The following PTGES3 variants were observed in gnomAD, a reference collection of about 807,000 sequenced individuals.
The protein encoded by PTGES3 is prostaglandin E synthase 3.
In PTGES3, 5 loss-of-function variants were observed where a neutral mutation model predicts 29.9. That is an observed-to-expected ratio of 0.17 (90% CI 0.09 to 0.35). The LOEUF is 0.35. Ranked by LOEUF, PTGES3 falls within the 10% of genes least tolerant of loss-of-function variation. The pLI is 1.00. For synonymous variants in PTGES3, 49 were observed against 57.8 expected (o/e 0.85, Z 0.69); for missense variants, 128 against 190.0 (o/e 0.67, Z 1.92).
chr12:56,686,164 A>G (rs1165545532), intron 1 of PTGES3, among the ~76,000 whole-genome samples: 1 of 152,016 alleles, frequency 6.6e-6, no homozygotes. Flanking sequence ...GCCTCCATCA[A>G]ATGCTTCTAC....
At chr12:56,686,830 C>G (rs978121321) in intron 1 of PTGES3, 2 of 398,202 alleles carry the variant, frequency 5.0e-6, no homozygotes, top group African/African-American at 4.1e-5. Flanking sequence ...ATATACTCAG[C>G]CTCAGTATCA....
intron 4 of PTGES3, 28 bp downstream of exon 4, chr12:56,671,721 C>T (rs747261647): frequency 7.1e-7 from 1 of 1,401,350 alleles, no homozygotes; most frequent in South Asian, 1.4e-5. Flanking sequence ...AAATATCAAA[C>T]TTTTCAAAAA....
chr12:56,687,887 G>T lies in PTGES3; in HGVS notation c.2+111C>A, dbSNP rs965943583. ...TCCTGGACCTCCCGCCCCCAGGCAGGAACGACTGCCACCACCGATGCGAGA... is the reference window on the plus strand; with the variant it reads ...TCCTGGACCTCCCGCCCCCAGGCAGTAACGACTGCCACCACCGATGCGAGA... On this transcript the variant is annotated intron_variant, in intron 1 of 7. Transcript: ENST00000262033. 25 of 1,584,550 alleles carry T rather than the reference G, an allele frequency of 1.6e-5. No homozygotes were observed. In the African/African-American group the frequency reaches 2.8e-4, roughly 18 times the overall value.
chr12:56,681,672 A>G (rs1952549785), intron 1 of PTGES3, among the ~76,000 whole-genome samples: 1 of 151,400 alleles, frequency 6.6e-6, no homozygotes, highest in Non-Finnish European at 1.5e-5. Context: ...ACATGGCGAA[A>G]CCCCATCTCT....
At position 56,669,769 on chromosome 12, in the gene PTGES3, C is replaced by T. The variant is rs557197499; in HGVS notation, c.375+506G>A. On this transcript the variant is annotated intron_variant, in intron 5 of 7. Transcript: ENST00000262033. ...GGACCACAGGTGCGCGCCACCATGC[C>T]CAGCTAATTTTTTTTGTATTTTAGT... Among the ~76,000 whole-genome samples, 62 of 152,072 alleles carry T rather than the reference C, an allele frequency of 4.1e-4. No homozygotes were observed. In the Middle Eastern group the frequency reaches 0.01, roughly 25 times the overall value.
chr12:56,680,578 A>C (rs1404110765), intron 1 of PTGES3, among the ~76,000 whole-genome samples: 1 of 151,326 alleles, frequency 6.6e-6, no homozygotes, highest in Non-Finnish European at 1.5e-5. Flanking sequence ...ATGGGGTTTC[A>C]CCACGCTGGT....
intron 5 of PTGES3, among the ~76,000 whole-genome samples, chr12:56,669,518 G>A (rs1951918736): frequency 6.6e-6 from 1 of 152,104 alleles, no homozygotes; most frequent in Non-Finnish European, 1.5e-5. Context: ...CCTGACCTCA[G>A]GTGATCCGCC....
chr12:56,675,343 C>G (rs2137648953), intron 1 of PTGES3, among the ~76,000 whole-genome samples: 1 of 151,820 alleles, frequency 6.6e-6, no homozygotes. Flanking sequence ...CCTTAGCAAG[C>G]TATATGATCA....
chr12:56,685,041 G>A (rs1285506380), intron 1 of PTGES3, among the ~76,000 whole-genome samples: 1 of 152,108 alleles, frequency 6.6e-6, no homozygotes, highest in Non-Finnish European at 1.5e-5. Flanking sequence ...AGGATCGCTT[G>A]AGCCCGGGAG....
intron 1 of PTGES3, among the ~76,000 whole-genome samples, chr12:56,673,912 G>A (rs1952112403): frequency 1.3e-5 from 2 of 152,134 alleles, no homozygotes; most frequent in South Asian, 2.1e-4. Flanking sequence ...AGGCTGCGGT[G>A]AGCTGAGATC....
chr12:56,664,872 AG>A lies in PTGES3; in HGVS notation c.439-73del. 3 of 1,568,678 alleles carry A rather than the reference AG, an allele frequency of 1.9e-6. No homozygotes were observed. The South Asian group carries it at 3.5e-5, about 18-fold the overall frequency. On this transcript the variant is annotated intron_variant, in intron 6 of 7. Coordinates refer to ENST00000262033, the MANE Select transcript of PTGES3 (RefSeq NM_006601.7). ...GCTAACTGAACAGTTTACCTAAAAAAGTTCAAGTGCTATATTTTTGACTAAA... is the reference window on the plus strand; with the variant it reads ...GCTAACTGAACAGTTTACCTAAAAAATTCAAGTGCTATATTTTTGACTAAA...
At chr12:56,671,294 G>T (rs1265594531) in intron 4 of PTGES3, among the ~76,000 whole-genome samples, 2 of 152,052 alleles carry the variant, frequency 1.3e-5, no homozygotes, top group Non-Finnish European at 2.9e-5. Context: ...GCTACTTGGG[G>T]GACTGAGGAG....
chr12:56,671,900 T>C (rs1952019502), intron 3 of PTGES3, 53 bp from the exon 4 acceptor site: 1 of 1,105,370 alleles, frequency 9.0e-7, no homozygotes, highest in Non-Finnish European at 1.3e-6. Flanking sequence ...CACTACATGA[T>C]AGAAAATAGC....
chr12:56,677,685 G>T (rs1409813753), intron 1 of PTGES3, among the ~76,000 whole-genome samples: 1 of 151,580 alleles, frequency 6.6e-6, no homozygotes, highest in Non-Finnish European at 1.5e-5. Context: ...TGGTGGGGTG[G>T]GTACCTGTGT....
chr12:56,685,985 C>T (rs950285762), intron 1 of PTGES3, among the ~76,000 whole-genome samples: 7 of 151,950 alleles, frequency 4.6e-5, no homozygotes, highest in Non-Finnish European at 8.8e-5. Flanking sequence ...CCATATTGGC[C>T]AGGCTGGTCT....
At chr12:56,668,063 G>A (rs760926260) in intron 5 of PTGES3, among the ~76,000 whole-genome samples, 1 of 152,180 alleles carries the variant, frequency 6.6e-6, no homozygotes, top group Non-Finnish European at 1.5e-5. Context: ...AGCCAAGATC[G>A]TGCCATTGCA....
intron 1 of PTGES3, among the ~76,000 whole-genome samples, chr12:56,677,270 A>G (rs1952300599): frequency 6.6e-6 from 1 of 151,670 alleles, no homozygotes; most frequent in African/African-American, 2.4e-5. Flanking sequence ...AAAAAGTGCT[A>G]CATTTTCCAT....
chr12:56,668,479 C>T (rs991538336), intron 5 of PTGES3, among the ~76,000 whole-genome samples: 1 of 152,176 alleles, frequency 6.6e-6, no homozygotes, highest in Non-Finnish European at 1.5e-5. Flanking sequence ...TGGCTCAGGC[C>T]TGTAGTCCCA....
intron 5 of PTGES3, among the ~76,000 whole-genome samples, chr12:56,667,079 C>T: frequency 6.6e-6 from 1 of 151,998 alleles, no homozygotes. Context: ...GCCACCACGC[C>T]CAGTTAGTTT....
Sources: gnomAD v4.1 joint callset for allele counts (sites outside exome capture counted in the v4.1 genomes callset) on GRCh38, gnomAD v4.1.1 for gene constraint, MANE v1.5 for transcripts, NCBI Gene and HGNC (gene_info 2026-07-23, HGNC 2026-07-21) for gene names.